The following DDX60 variants were observed in gnomAD, a reference collection of about 807,000 sequenced individuals.
DDX60 encodes probable ATP-dependent RNA helicase DDX60.
DDX60 carries 165 observed loss-of-function variants against 212.8 expected under a neutral mutation model. The observed-to-expected ratio is 0.78, with a 90% CI of 0.68 to 0.88. DDX60 has a LOEUF of 0.88. Ranked by LOEUF, DDX60 falls within the 40% of genes least tolerant of loss-of-function variation. The probability of loss-of-function intolerance (pLI) is 0.00; values close to 1 mark genes in which losing one functional copy is unlikely to be tolerated. For synonymous variants in DDX60, 703 were observed against 685.3 expected (o/e 1.03, Z -0.40); for missense variants, 1,905 against 2,003.9 (o/e 0.95, Z 0.94).
Position 168,288,223 on chromosome 4 carries a change from C to G in DDX60, c.1134G>C (p.Glu378Asp). The change falls in exon 9 of 38, where the codon GAG becomes GAC. Residue 378 changes from glutamate to aspartate, a missense_variant. Coordinates refer to ENST00000393743, the MANE Select transcript of DDX60 (RefSeq NM_017631.6). ...AAAAAGCAATATTCTTCAACAAAAG[C>G]TCATCATTTAAGTCAGAAAGGTGAA... is the stretch of plus-strand genomic sequence containing the variant. ...NLIHLSDLND[E>D]LLLKNIAFYY... The G allele has an allele frequency of 6.6e-7, 1 of 1,521,226 alleles. No individual in the cohort carries two copies. Among genetic ancestry groups the G allele is most frequent in the African/African-American group, 1.4e-5 (1 of 71,328 alleles). The allele number at this position is 1,521,226 out of a possible 1,614,324, so 94.2% of individuals were successfully genotyped here.
rs1734927673 is a variant in DDX60 at position 168,268,042 on chromosome 4, T to G, written c.2787-59A>C. 7 of 1,387,702 alleles carry G rather than the reference T, an allele frequency of 5.0e-6. No homozygotes were observed. In the South Asian group the frequency reaches 9.5e-5, roughly 19 times the overall value. 86.0% of individuals were successfully genotyped at this position (1,387,702 alleles called of 1,614,324 possible). ...AACATGGAACTACTTCCTGTGAAAT[T>G]AAGTAGTTTAAGTAAAGACAATTTC... On this transcript the variant is annotated intron_variant, in intron 20 of 37. Coordinates refer to ENST00000393743, the MANE Select transcript of DDX60 (RefSeq NM_017631.6).
In DDX60 at chr4:168,294,649, T is replaced by C. The variant is rs536233121; in HGVS notation, c.724-704A>G. 1.6e-3 allele frequency among the ~76,000 whole-genome samples: 238 copies of C among 152,130 alleles called. 1 individual carries two copies. Among genetic ancestry groups the C allele is most frequent in the Middle Eastern group, 6.8e-3 (2 of 294 alleles). ...CCAAGTAGCTAGGATTACAGGCATG[T>C]GCCACTACTGCCAGGCTAATTTTTG... On this transcript the variant is annotated intron_variant, in intron 6 of 37. Coordinates refer to ENST00000393743, the MANE Select transcript of DDX60 (RefSeq NM_017631.6).
chr4:168,324,818 G>A, the DDX60 span, among the ~76,000 whole-genome samples: 1 of 152,216 alleles, frequency 6.6e-6, no homozygotes, highest in Non-Finnish European at 1.5e-5. Flanking sequence ...TGCAGAGGAG[G>A]ATATCATCAA....
chr4:168,252,610 T>C lies in DDX60; in HGVS notation c.3604A>G (p.Ile1202Val). 1 of 1,613,326 alleles carries C rather than the reference T, an allele frequency of 6.2e-7. No homozygotes were observed. Among genetic ancestry groups the C allele is most frequent in the Non-Finnish European group, 8.5e-7 (1 of 1,179,562 alleles). The change falls in exon 27 of 38, where the codon ATA becomes GTA. Residue 1202 changes from isoleucine (I) to valine (V), a missense_variant. Coordinates refer to ENST00000393743, the MANE Select transcript of DDX60 (RefSeq NM_017631.6). ...KKTRNVDQSL[I>V]HEAEHDNLVK... ...AGATTATCATGTTCAGCTTCATGTA[T>C]TAGGCTTTGATCCACATTTCTGGTT...
intron 25 of DDX60, among the ~76,000 whole-genome samples, chr4:168,258,313 G>A (rs186160107): frequency 1.3e-5 from 2 of 152,320 alleles, no homozygotes; most frequent in East Asian, 3.9e-4. Context: ...AAGTCATTAA[G>A]TAGCTGTCCA....
chr4:168,225,693 T>G lies in DDX60; in HGVS notation c.4534-17A>C. 1 of 1,606,100 alleles carries G rather than the reference T, an allele frequency of 6.2e-7. No homozygotes were observed. The highest frequency in any genetic ancestry group is 8.5e-7 in the Non-Finnish European group (1 of 1,177,448). ...AAGGAACACCTAGAAGCCGAATAAT[T>G]TTCATAGAGATAGATCTATTTACCT... is the stretch of plus-strand genomic sequence containing the variant. On this transcript the variant is annotated splice_polypyrimidine_tract_variant and intron_variant, in intron 33 of 37. Transcript: ENST00000393743.
Position 168,311,361 on chromosome 4 carries a change from C to T in DDX60, c.-102G>A, listed in dbSNP as rs777866852. On this transcript the variant is annotated 5_prime_UTR_variant, in exon 2 of 38. Coordinates refer to ENST00000393743, the MANE Select transcript of DDX60 (RefSeq NM_017631.6). Reference sequence around the variant, plus strand: ...AAGTGGCAGTTCTTAATGAAAATGGCAGTCCTGCAAAAAAAGAAAAGAAAA... The same window carrying T: ...AAGTGGCAGTTCTTAATGAAAATGGTAGTCCTGCAAAAAAAGAAAAGAAAA... The T allele has an allele frequency of 1.9e-5, 24 of 1,232,876 alleles. No individual in the cohort carries two copies. In the African/African-American group the frequency reaches 2.4e-4, roughly 13 times the overall value. 76.4% of individuals were successfully genotyped at this position (1,232,876 alleles called of 1,614,324 possible).
At chr4:168,325,534 C>T in the DDX60 span, among the ~76,000 whole-genome samples, 20 of 152,214 alleles carry the variant, frequency 1.3e-4, no homozygotes, top group African/African-American at 4.8e-4. Flanking sequence ...AATTTATTTA[C>T]AGAAACAAAG....
At chr4:168,297,302 GAA>G in intron 6 of DDX60, among the ~76,000 whole-genome samples, 1 of 6,098 alleles carries the variant, frequency 1.6e-4, no homozygotes, top group African/African-American at 9.8e-4. Flanking sequence ...AGAGACGAAA[GAA>G]AGAAAGAAAG....
chr4:168,317,595 A>G (rs1737452544), intron 1 of DDX60, among the ~76,000 whole-genome samples: 2 of 152,190 alleles, frequency 1.3e-5, no homozygotes, highest in African/African-American at 4.8e-5. Context: ...TGGTGGGTTA[A>G]AATGGCTTCC....
chr4:168,238,648 C>T (rs1733727869), intron 30 of DDX60, among the ~76,000 whole-genome samples: 1 of 151,948 alleles, frequency 6.6e-6, no homozygotes, highest in Non-Finnish European at 1.5e-5. Context: ...CTCTCATATG[C>T]CACATATAGT....
intron 1 of DDX60, among the ~76,000 whole-genome samples, chr4:168,313,171 T>C (rs1204685802): frequency 6.6e-6 from 1 of 152,094 alleles, no homozygotes; most frequent in Non-Finnish European, 1.5e-5. Flanking sequence ...AGTTCCTAAA[T>C]CAGAATGAAG....
chr4:168,287,013 TG>T, intron 10 of DDX60, 34 bp downstream of exon 10: 1 of 1,530,878 alleles, frequency 6.5e-7, no homozygotes, highest in South Asian at 1.2e-5. Flanking sequence ...AGAGGAATAA[TG>T]CTTTCATTTC....
chr4:168,219,270 G>A (rs59362475), intron 37 of DDX60, among the ~76,000 whole-genome samples: 1,784 of 150,862 alleles, frequency 0.012, 33 homozygotes, highest in African/African-American at 0.04. Context: ...CAGCCTGGGT[G>A]ACAGAGCGTG....
rs1300863797 is a variant in DDX60, at chr4:168,275,327, T to C, written c.2304+18A>G. 2 of 1,578,418 alleles carry C rather than the reference T, an allele frequency of 1.3e-6. No individual in the cohort carries two copies. Among genetic ancestry groups the C allele is most frequent in the Admixed American group, 1.8e-5 (1 of 54,574 alleles). On this transcript the variant is annotated intron_variant, in intron 16 of 37. Transcript: ENST00000393743. Reference sequence around the variant, plus strand: ...TAATAAGAAAATACAGTAATTTTTGTTTCATTTGCAGTATTACCTGCCATG... The same window carrying C: ...TAATAAGAAAATACAGTAATTTTTGCTTCATTTGCAGTATTACCTGCCATG...
intron 26 of DDX60, among the ~76,000 whole-genome samples, chr4:168,254,967 C>T (rs887738237): frequency 4.6e-5 from 7 of 152,106 alleles, no homozygotes; most frequent in South Asian, 2.1e-4. Context: ...ATCAGCTAAG[C>T]GAGGGCAAAG....
At position 168,255,710 on chromosome 4, in the gene DDX60, C is replaced by T; in HGVS notation, c.3557+1G>A. 6.3e-7 allele frequency: 1 copy of T among 1,582,936 alleles called. No homozygotes were observed. The highest frequency in any genetic ancestry group is 8.5e-7 in the Non-Finnish European group (1 of 1,171,450). ...ATCAATTTGTTTAGTTAACTACTTACATGATCTTTTGTTTCTCTATGGATT... is the reference window on the plus strand; with the variant it reads ...ATCAATTTGTTTAGTTAACTACTTATATGATCTTTTGTTTCTCTATGGATT... On this transcript the variant is annotated splice_donor_variant, in intron 26 of 37. Coordinates refer to ENST00000393743, the MANE Select transcript of DDX60 (RefSeq NM_017631.6). LOFTEE classifies it high-confidence loss of function.
At chr4:168,249,741 C>T (rs1302881799) in intron 28 of DDX60, among the ~76,000 whole-genome samples, 1 of 151,928 alleles carries the variant, frequency 6.6e-6, no homozygotes, top group East Asian at 1.9e-4. Context: ...TGGTTATTAG[C>T]CTTTAAAAGA....
At chr4:168,308,957 T>C (rs1044302749) in intron 3 of DDX60, among the ~76,000 whole-genome samples, 4 of 152,136 alleles carry the variant, frequency 2.6e-5, no homozygotes, top group African/African-American at 9.7e-5. Flanking sequence ...AGATCTATTG[T>C]AAAAGTTAAA....
Sources: allele counts gnomAD v4.1 joint callset (sites outside exome capture counted in the v4.1 genomes callset), GRCh38; gene constraint gnomAD v4.1.1; transcripts MANE v1.5; gene names NCBI Gene and HGNC (gene_info 2026-07-23, HGNC 2026-07-21).